Variants in AKIRIN1 observed in about 807,000 individuals in gnomAD.
AKIRIN1 encodes the protein akirin-1.
A neutral mutation model predicts 25.9 loss-of-function variants in AKIRIN1; 4 were observed. The observed-to-expected ratio is 0.15, with a 90% CI of 0.08 to 0.35. The LOEUF is 0.35. Among genes scored for constraint, AKIRIN1 ranks in the 10% least tolerant of loss-of-function variants. The pLI is 1.00. For missense variants in AKIRIN1, 243 were observed against 266.1 expected, an observed-to-expected ratio of 0.91 and a Z score of 0.61; for synonymous variants, 125 against 105.1, an observed-to-expected ratio of 1.19 and a Z score of -1.16.
At chr1:39,002,136 C>G (rs188881882) in intron 3 of AKIRIN1, among the ~76,000 whole-genome samples, 3 of 152,340 alleles carry the variant, frequency 2.0e-5, no homozygotes, top group African/African-American at 7.2e-5. Context: ...TACTCCTTTT[C>G]TGATTAAAGT....
In AKIRIN1 at chr1:38,998,393, C is replaced by T. The variant is rs1216060489; in HGVS notation, c.361+82C>T. 4 of 1,401,860 alleles carry T rather than the reference C, an allele frequency of 2.9e-6. No homozygotes were observed. The African/African-American group carries it at 4.4e-5, about 15-fold the overall frequency. 86.8% of individuals were successfully genotyped at this position (1,401,860 alleles called of 1,614,324 possible). A position where few individuals can be genotyped will look rare whatever the true frequency, so the allele number is the denominator to read the frequency against. ...ATGATGAATCTAGAATTGGCCTCCT[C>T]TAATGTAATAGAATTGCTAACGGGG... On this transcript the variant is annotated intron_variant, in intron 2 of 4. Coordinates refer to ENST00000432648, the MANE Select transcript of AKIRIN1 (RefSeq NM_024595.3).
intron 3 of AKIRIN1, among the ~76,000 whole-genome samples, chr1:39,001,651 A>G (rs1156283920): frequency 6.6e-6 from 1 of 152,110 alleles, no homozygotes; most frequent in Non-Finnish European, 1.5e-5. Context: ...GAAGTACTCC[A>G]CCTCAGCTTC....
At chr1:38,998,519 A>G (rs1224023220) in intron 2 of AKIRIN1, among the ~76,000 whole-genome samples, 1 of 152,202 alleles carries the variant, frequency 6.6e-6, no homozygotes, top group African/African-American at 2.4e-5. Flanking sequence ...ATACAAGAAT[A>G]TCTTCCTGTA....
chr1:39,001,086 T>A lies in AKIRIN1; in HGVS notation c.476T>A (p.Ile159Asn). The change falls in exon 3 of 5, where the codon ATC (isoleucine) becomes AAC (asparagine). Residue 159 changes from isoleucine (I) to asparagine (N), a missense_variant. By Grantham distance (149) the Ile-to-Asn change is moderately radical (BLOSUM62 -3). Coordinates refer to ENST00000432648, the MANE Select transcript of AKIRIN1 (RefSeq NM_024595.3). ...AAAATTCGGGAGGAGTATGAGCAAA[T>A]CCTCAATACCAAACTAGCAGGTAGG... Reference protein sequence around the residue: ...EDKIREEYEQILNTKLAEQYE... With the variant: ...EDKIREEYEQNLNTKLAEQYE... The A allele has an allele frequency of 6.2e-7, 1 of 1,612,650 alleles. No homozygotes were observed. The highest frequency in any genetic ancestry group is 8.5e-7 in the Non-Finnish European group (1 of 1,179,412).
intron 1 of AKIRIN1, among the ~76,000 whole-genome samples, chr1:38,991,986 C>T (rs1643909588): frequency 8.2e-6 from 1 of 121,932 alleles, no homozygotes; most frequent in Non-Finnish European, 1.6e-5. Context: ...ACTCACGAAC[C>T]TGGCCTGGAG....
At chr1:38,996,915 G>A (rs1057130806) in intron 1 of AKIRIN1, among the ~76,000 whole-genome samples, 52 of 152,306 alleles carry the variant, frequency 3.4e-4, no homozygotes, top group African/African-American at 1.2e-3. Flanking sequence ...GGAACCACTT[G>A]AATTCATGTC....
chr1:39,001,744 C>T (rs1643993410), intron 3 of AKIRIN1, among the ~76,000 whole-genome samples: 1 of 152,166 alleles, frequency 6.6e-6, no homozygotes, highest in Admixed American at 6.5e-5. Context: ...AAGAAACAAA[C>T]CAAGCTCTTG....
At chr1:39,000,638 T>G (rs566099997) in intron 2 of AKIRIN1, among the ~76,000 whole-genome samples, 1 of 151,588 alleles carries the variant, frequency 6.6e-6, no homozygotes, top group East Asian at 1.9e-4. Context: ...GCATGGCCAC[T>G]GCGCCCGGCC....
chr1:38,992,387 A>G (rs1326310105), intron 1 of AKIRIN1, among the ~76,000 whole-genome samples: 1 of 152,194 alleles, frequency 6.6e-6, no homozygotes. Flanking sequence ...GTGCTTCAGC[A>G]TTAATATTCT....
chr1:38,996,578 G>A (rs1256933404), intron 1 of AKIRIN1, among the ~76,000 whole-genome samples: 1 of 151,254 alleles, frequency 6.6e-6, no homozygotes, highest in Non-Finnish European at 1.5e-5. Context: ...TTCCCAGGCT[G>A]GAGTGCAGTG....
chr1:38,998,415 G>A (rs1258166913), intron 2 of AKIRIN1, 104 bp downstream of exon 2: 26 of 1,247,464 alleles, frequency 2.1e-5, no homozygotes, highest in East Asian at 7.5e-5. Context: ...AATTGCTAAC[G>A]GGGATGTATT....
At chr1:38,998,521 C>T (rs1358781610) in intron 2 of AKIRIN1, among the ~76,000 whole-genome samples, 4 of 152,178 alleles carry the variant, frequency 2.6e-5, no homozygotes, top group African/African-American at 9.7e-5. Flanking sequence ...ACAAGAATAT[C>T]TTCCTGTATA....
In AKIRIN1 at chr1:39,001,324, T is replaced by C. The variant is rs1056612135; in HGVS notation, c.496+218T>C. ...TTTTTGGGACAGAGTTTTGCTCTTA[T>C]TTTCCAGGCTGACACCACAACCTCC... is the stretch of plus-strand genomic sequence containing the variant. On this transcript the variant is annotated intron_variant, in intron 3 of 4. Coordinates refer to ENST00000432648, the MANE Select transcript of AKIRIN1 (RefSeq NM_024595.3). Among the ~76,000 whole-genome samples the C allele has an allele frequency of 2.0e-5, 3 of 150,940 alleles. No homozygotes were observed. In the East Asian group the frequency reaches 5.9e-4, roughly 30 times the overall value.
At position 39,004,027 on chromosome 1, in the gene AKIRIN1, T is replaced by A; in HGVS notation, c.569-18T>A. 6.2e-7 allele frequency: 1 copy of A among 1,606,554 alleles called. No individual in the cohort carries two copies. The highest frequency in any genetic ancestry group is 2.2e-5 in the East Asian group (1 of 44,846). ...TTTAGTATTCTTACCCTTTTTGTTT[T>A]TTATTCTTAATTTACAGATGTGTCA... On this transcript the variant is annotated intron_variant, in intron 4 of 4. Coordinates refer to ENST00000432648, the MANE Select transcript of AKIRIN1 (RefSeq NM_024595.3).
chr1:39,000,844 C>T, intron 2 of AKIRIN1, 128 bp from the exon 3 acceptor site: 1 of 1,047,096 alleles, frequency 9.6e-7, no homozygotes, highest in Non-Finnish European at 1.4e-6. Context: ...TTAGTAGAGA[C>T]TGGGTTTCTC....
At chr1:39,000,514 A>T (rs956704629) in intron 2 of AKIRIN1, among the ~76,000 whole-genome samples, 4 of 150,622 alleles carry the variant, frequency 2.7e-5, no homozygotes, top group African/African-American at 9.8e-5. Context: ...CGTCCAGCTA[A>T]TTTTTTGTAT....
chr1:38,998,002 G>C (rs1237631266), intron 1 of AKIRIN1, among the ~76,000 whole-genome samples, 169 bp from the exon 2 acceptor site: 2 of 152,112 alleles, frequency 1.3e-5, no homozygotes, highest in Non-Finnish European at 2.9e-5. Context: ...GCTTGGTACG[G>C]TATAAACGTT....
chr1:38,996,324 G>A (rs1415801255), intron 1 of AKIRIN1, among the ~76,000 whole-genome samples: 1 of 151,916 alleles, frequency 6.6e-6, no homozygotes, highest in African/African-American at 2.4e-5. Context: ...AACCTCAGGT[G>A]ATCCACCTGC....
At chr1:38,995,749 C>G (rs1320260859) in intron 1 of AKIRIN1, among the ~76,000 whole-genome samples, 1 of 152,196 alleles carries the variant, frequency 6.6e-6, no homozygotes, top group East Asian at 1.9e-4. Context: ...TCTTAAAATA[C>G]AGGGGGCTAG....
Sources: gnomAD v4.1 joint callset for allele counts (sites outside exome capture counted in the v4.1 genomes callset) on GRCh38, gnomAD v4.1.1 for gene constraint, MANE v1.5 for transcripts, NCBI Gene and HGNC (gene_info 2026-07-23, HGNC 2026-07-21) for gene names.